DPYD: variants seen among roughly 807,000 people sequenced by gnomAD.
DPYD encodes the protein dihydropyrimidine dehydrogenase [NADP(+)].
In DPYD, 109 loss-of-function variants were observed where a neutral mutation model predicts 116.2. The observed-to-expected ratio is 0.94, with a 90% CI of 0.80 to 1.10. The LOEUF (loss-of-function observed/expected upper bound fraction) is 1.10. Ranked by LOEUF, DPYD falls within the 50% of genes least tolerant of loss-of-function variation. The pLI is 0.00. For missense variants in DPYD, 1,302 were observed against 1,254.5 expected (o/e 1.04, Z -0.57); for synonymous variants, 440 against 432.0 (o/e 1.02, Z -0.23).
chr1:97,755,296 C>T (rs568689281), intron 3 of DPYD, among the ~76,000 whole-genome samples: 1 of 152,152 alleles, frequency 6.6e-6, no homozygotes. Flanking sequence ...AAATCCAGGG[C>T]AGGCTGCTTC....
At chr1:97,683,761 TA>T (rs1165644964) in intron 7 of DPYD, among the ~76,000 whole-genome samples, 3 of 152,002 alleles carry the variant, frequency 2.0e-5, no homozygotes, top group Non-Finnish European at 4.4e-5. Flanking sequence ...TTGATAAATT[TA>T]AAAAATGCAA....
intron 8 of DPYD, among the ~76,000 whole-genome samples, chr1:97,654,275 G>A (rs899614624): frequency 1.3e-5 from 2 of 152,090 alleles, no homozygotes; most frequent in African/African-American, 2.4e-5. Flanking sequence ...TTGCATTGAA[G>A]TAAAATGAAA....
intron 1 of DPYD, among the ~76,000 whole-genome samples, chr1:97,888,002 A>T (rs1487640243): frequency 6.6e-6 from 1 of 152,088 alleles, no homozygotes; most frequent in East Asian, 1.9e-4. Context: ...CACAACTGTG[A>T]GTCAGTTAAA....
intron 13 of DPYD, among the ~76,000 whole-genome samples, chr1:97,460,202 T>G (rs930648899): frequency 6.6e-6 from 1 of 152,206 alleles, no homozygotes; most frequent in African/African-American, 2.4e-5. Context: ...ACTCTAAGAT[T>G]GTATGTTTTG....
chr1:97,853,840 C>T (rs754400323), intron 2 of DPYD, among the ~76,000 whole-genome samples: 8 of 152,044 alleles, frequency 5.3e-5, no homozygotes, highest in Non-Finnish European at 1.0e-4. Flanking sequence ...AAACTATACT[C>T]AGACAATTAA....
At chr1:97,087,603 C>T (rs1011130466) in intron 21 of DPYD, among the ~76,000 whole-genome samples, 1 of 152,112 alleles carries the variant, frequency 6.6e-6, no homozygotes, top group Non-Finnish European at 1.5e-5. Context: ...AAGGATTGGC[C>T]AGGAGCAAAG....
chr1:97,789,159 C>A (rs1667192004), intron 3 of DPYD, among the ~76,000 whole-genome samples: 1 of 152,104 alleles, frequency 6.6e-6, no homozygotes, highest in African/African-American at 2.4e-5. Context: ...CACATTAGTA[C>A]CTTCATTCAA....
intron 11 of DPYD, among the ~76,000 whole-genome samples, chr1:97,559,728 T>C (rs1652004745): frequency 6.6e-6 from 1 of 152,158 alleles, no homozygotes; most frequent in Non-Finnish European, 1.5e-5. Flanking sequence ...ACAATTTTAG[T>C]ACATAAGTAA....
intron 4 of DPYD, among the ~76,000 whole-genome samples, chr1:97,730,546 A>G (rs904090354): frequency 2.6e-5 from 4 of 152,114 alleles, no homozygotes; most frequent in Non-Finnish European, 5.9e-5. Context: ...AATATTGAAA[A>G]TGAAAATCTC....
At chr1:97,738,505 C>T (rs999424697) in intron 4 of DPYD, among the ~76,000 whole-genome samples, 1 of 152,030 alleles carries the variant, frequency 6.6e-6, no homozygotes, top group Non-Finnish European at 1.5e-5. Context: ...TTGAGTCTGG[C>T]GATTCAATTA....
chr1:97,785,621 T>G (rs1234946276), intron 3 of DPYD, among the ~76,000 whole-genome samples: 2 of 151,292 alleles, frequency 1.3e-5, no homozygotes, highest in East Asian at 3.9e-4. Flanking sequence ...CTGTGTTTAT[T>G]AATAGATCTT....
chr1:97,634,292 A>T (rs1440298601), intron 8 of DPYD, among the ~76,000 whole-genome samples: 1 of 152,168 alleles, frequency 6.6e-6, no homozygotes, highest in Non-Finnish European at 1.5e-5. Context: ...AAGAACAAAA[A>T]CCAAGTAAGT....
At chr1:97,907,745 T>G (rs534924267) in intron 1 of DPYD, among the ~76,000 whole-genome samples, 24 of 152,198 alleles carry the variant, frequency 1.6e-4, no homozygotes, top group African/African-American at 5.3e-4. Context: ...CCTTCCTTTC[T>G]TCCTTCCACA....
intron 21 of DPYD, among the ~76,000 whole-genome samples, chr1:97,084,588 CAT>C (rs374544178): frequency 6.6e-6 from 1 of 152,172 alleles, no homozygotes; most frequent in African/African-American, 2.4e-5. Context: ...AGGCCAGTGC[CAT>C]ATGTTTTACA....
intron 20 of DPYD, among the ~76,000 whole-genome samples, chr1:97,105,510 G>A (rs1277623975): frequency 6.6e-6 from 1 of 152,060 alleles, no homozygotes; most frequent in Non-Finnish European, 1.5e-5. Flanking sequence ...AAACAGGGTT[G>A]AGTTTCATGG....
intron 4 of DPYD, among the ~76,000 whole-genome samples, chr1:97,728,610 G>A (rs1663399907): frequency 6.6e-6 from 1 of 152,032 alleles, no homozygotes; most frequent in African/African-American, 2.4e-5. Context: ...AGTTTTCACA[G>A]ATGGAAGCAC....
chr1:97,087,000 C>T (rs1291303523), intron 21 of DPYD, among the ~76,000 whole-genome samples: 1 of 152,164 alleles, frequency 6.6e-6, no homozygotes, highest in Non-Finnish European at 1.5e-5. Context: ...CACTTCTTGC[C>T]TAATGCATCT....
At chr1:97,526,093 A>G (rs1267724789) in intron 12 of DPYD, among the ~76,000 whole-genome samples, 1 of 151,892 alleles carries the variant, frequency 6.6e-6, no homozygotes, top group Non-Finnish European at 1.5e-5. Flanking sequence ...CCTAAAATAG[A>G]GCATTTTTCT....
At chr1:97,496,652 A>C (rs899412648) in intron 13 of DPYD, among the ~76,000 whole-genome samples, 4 of 151,920 alleles carry the variant, frequency 2.6e-5, no homozygotes, top group Admixed American at 2.6e-4. Context: ...TGTATTCTCT[A>C]TTCTTTGGAC....
Sources: allele counts gnomAD v4.1 joint callset (sites outside exome capture counted in the v4.1 genomes callset), GRCh38; gene constraint gnomAD v4.1.1; transcripts MANE v1.5; gene names NCBI Gene and HGNC (gene_info 2026-07-23, HGNC 2026-07-21).